ADARB2: variants seen among roughly 807,000 people sequenced by gnomAD.
ADARB2 encodes inactive double-stranded RNA-specific editase B2.
A neutral mutation model predicts 62.2 loss-of-function variants in ADARB2; 25 were observed. That is an observed-to-expected ratio of 0.40 (90% CI 0.29 to 0.56). The LOEUF (loss-of-function observed/expected upper bound fraction) is 0.56, where lower values mean the gene tolerates loss of function less well. ADARB2 is among the 20% of genes least tolerant of loss of function. The pLI is 0.43. For missense variants in ADARB2, 1,071 were observed against 1,077.4 expected (o/e 0.99, Z 0.08); for synonymous variants, 572 against 500.8 (o/e 1.14, Z -1.90).
At chr10:1,633,059 C>T (rs1180408298) in intron 1 of ADARB2, among the ~76,000 whole-genome samples, 4 of 152,188 alleles carry the variant, frequency 2.6e-5, no homozygotes, top group African/African-American at 9.7e-5. Flanking sequence ...GGGCCTCAGA[C>T]TCCCGTGCTC....
intron 2 of ADARB2, among the ~76,000 whole-genome samples, chr10:1,374,223 A>C (rs1832402166): frequency 6.6e-6 from 1 of 152,218 alleles, no homozygotes; most frequent in South Asian, 2.1e-4. Context: ...AAAAGCAGGC[A>C]AATAATTTGG....
intron 1 of ADARB2, among the ~76,000 whole-genome samples, chr10:1,709,790 C>G (rs544352437): frequency 6.6e-6 from 1 of 152,330 alleles, no homozygotes; most frequent in South Asian, 2.1e-4. Flanking sequence ...CTCTCCTTCC[C>G]TTACCTCAAC....
At chr10:1,216,624 C>T (rs527937126) in intron 7 of ADARB2, 30 of 354,994 alleles carry the variant, frequency 8.5e-5, no homozygotes, top group African/African-American at 4.1e-4. Flanking sequence ...ATGGCCACCC[C>T]GACTGGCCGG....
chr10:1,285,297 G>A (rs553874921), intron 3 of ADARB2, among the ~76,000 whole-genome samples: 32 of 152,084 alleles, frequency 2.1e-4, no homozygotes, highest in African/African-American at 7.5e-4. Context: ...GTGGGGAAAC[G>A]CGCCCTCCTG....
At chr10:1,204,809 TGCAGATGGAGG>T (rs1837030510) in intron 7 of ADARB2, among the ~76,000 whole-genome samples, 1 of 152,204 alleles carries the variant, frequency 6.6e-6, no homozygotes, top group African/African-American at 2.4e-5. Context: ...GGGTCTGGTG[TGCAGATGGAGG>T]TGACTGATGC....
At chr10:1,406,492 A>C (rs1832709126) in intron 1 of ADARB2, among the ~76,000 whole-genome samples, 1 of 152,076 alleles carries the variant, frequency 6.6e-6, no homozygotes, top group South Asian at 2.1e-4. Flanking sequence ...TTTCTTCTTC[A>C]TCTCTGTGGC....
intron 1 of ADARB2, among the ~76,000 whole-genome samples, chr10:1,653,796 T>C (rs1027985006): frequency 3.3e-5 from 5 of 152,158 alleles, no homozygotes; most frequent in Non-Finnish European, 5.9e-5. Context: ...AGTAATCAAA[T>C]TGATGGTGAA....
chr10:1,252,058 C>T (rs1030871652), intron 4 of ADARB2, among the ~76,000 whole-genome samples: 3 of 152,204 alleles, frequency 2.0e-5, no homozygotes, highest in Non-Finnish European at 2.9e-5. Flanking sequence ...AGGGCTTCTC[C>T]CCAGCACATT....
chr10:1,552,647 G>C (rs1258651947), intron 1 of ADARB2, among the ~76,000 whole-genome samples: 2 of 151,530 alleles, frequency 1.3e-5, no homozygotes, highest in Non-Finnish European at 2.9e-5. Context: ...GGCACTCAGC[G>C]AGGGGCTGCC....
chr10:1,710,451 TG>T (rs1834937094), intron 1 of ADARB2, among the ~76,000 whole-genome samples: 1 of 152,212 alleles, frequency 6.6e-6, no homozygotes, highest in South Asian at 2.1e-4. Context: ...GAGTTGATCC[TG>T]CCACTGGGAC....
At chr10:1,481,986 T>A (rs958443052) in intron 1 of ADARB2, among the ~76,000 whole-genome samples, 3 of 152,000 alleles carry the variant, frequency 2.0e-5, no homozygotes, top group Non-Finnish European at 2.9e-5. Flanking sequence ...ACTAAACATA[T>A]GAAAAGATGC....
chr10:1,340,029 A>T (rs961192968), intron 3 of ADARB2, among the ~76,000 whole-genome samples: 2 of 152,096 alleles, frequency 1.3e-5, no homozygotes, highest in Non-Finnish European at 2.9e-5. Context: ...CTGTGGCCCC[A>T]GACAGCCTAG....
chr10:1,633,007 C>T (rs905321507), intron 1 of ADARB2, among the ~76,000 whole-genome samples: 5 of 152,170 alleles, frequency 3.3e-5, no homozygotes, highest in African/African-American at 9.6e-5. Flanking sequence ...AAGCTGGGGG[C>T]AGGGTGGATC....
At chr10:1,463,881 A>C (rs1271280993) in intron 1 of ADARB2, among the ~76,000 whole-genome samples, 2 of 152,264 alleles carry the variant, frequency 1.3e-5, no homozygotes, top group Non-Finnish European at 2.9e-5. Flanking sequence ...GGATTTGAGC[A>C]GACACTTTGC....
chr10:1,725,991 G>A (rs924938474), intron 1 of ADARB2, among the ~76,000 whole-genome samples: 1 of 152,248 alleles, frequency 6.6e-6, no homozygotes, highest in Non-Finnish European at 1.5e-5. Flanking sequence ...TGTACAAACA[G>A]TATACAGCAT....
intron 3 of ADARB2, 52 bp from the exon 4 acceptor site, chr10:1,271,121 G>C: frequency 6.9e-7 from 1 of 1,455,878 alleles, no homozygotes; most frequent in East Asian, 2.3e-5. Flanking sequence ...GTGCCGTGGA[G>C]GATGATGGGG....
At chr10:1,672,024 G>A (rs572977197) in intron 1 of ADARB2, among the ~76,000 whole-genome samples, 1 of 146,448 alleles carries the variant, frequency 6.8e-6, no homozygotes, top group African/African-American at 2.6e-5. Flanking sequence ...CCCCATCCCC[G>A]AGAGTCAGTG....
intron 1 of ADARB2, among the ~76,000 whole-genome samples, chr10:1,710,090 G>A (rs1218676469): frequency 2.6e-5 from 4 of 152,166 alleles, no homozygotes; most frequent in Non-Finnish European, 5.9e-5. Flanking sequence ...CCTCAAAACC[G>A]GGAAGGTTCA....
Position 1,468,801 on chromosome 10 carries a change from G to A in ADARB2, c.101-89641C>T, listed in dbSNP as rs530048217. On this transcript the variant is annotated intron_variant, in intron 1 of 9. Transcript: ENST00000381312. ...ATGGCAAAGCTGCCACGGAACAGGT[G>A]TGGAGGTGATGGTGAGTGGCAAACC... 2.0e-5 allele frequency among the ~76,000 whole-genome samples: 3 copies of A among 152,384 alleles called. No homozygotes were observed. The South Asian group carries it at 6.2e-4, about 32-fold the overall frequency.
Sources: gnomAD v4.1 joint callset for allele counts (sites outside exome capture counted in the v4.1 genomes callset) on GRCh38, gnomAD v4.1.1 for gene constraint, MANE v1.5 for transcripts, NCBI Gene and HGNC (gene_info 2026-07-23, HGNC 2026-07-21) for gene names.